KANK2: variants seen among roughly 807,000 people sequenced by gnomAD.
KANK2 encodes KN motif and ankyrin repeat domain-containing protein 2.
In KANK2, 41 loss-of-function variants were observed where a neutral mutation model predicts 74.6. The ratio of observed to expected loss-of-function variants is 0.55; its 90% CI spans 0.43 to 0.71. The LOEUF is 0.71. Ranked by LOEUF, KANK2 falls within the 30% of genes least tolerant of loss-of-function variation. KANK2 has a pLI of 0.00. For missense variants in KANK2, 1,148 were observed against 1,196.4 expected, an observed-to-expected ratio of 0.96 and a Z score of 0.60; for synonymous variants, 537 against 519.0, an observed-to-expected ratio of 1.03 and a Z score of -0.47.
intron 3 of KANK2, 92 bp downstream of exon 3, chr19:11,194,383 C>T: frequency 9.7e-7 from 1 of 1,029,838 alleles, no homozygotes; most frequent in Non-Finnish European, 1.5e-6. Flanking sequence ...TGTGTCCCAC[C>T]CTCAAAGTCC....
At chr19:11,176,125 C>T in intron 7 of KANK2, 136 bp from the exon 8 acceptor site, 2 of 631,916 alleles carry the variant, frequency 3.2e-6, no homozygotes, top group South Asian at 4.5e-5. Context: ...TCACCCGGGA[C>T]ACACATTTAC....
At chr19:11,185,660 G>T (rs1035757851) in intron 4 of KANK2, among the ~76,000 whole-genome samples, 1 of 150,310 alleles carries the variant, frequency 6.7e-6, no homozygotes, top group African/African-American at 2.4e-5. Context: ...ATGGAGAAAG[G>T]CTACAAGTAA....
chr19:11,187,661 G>A (rs776731655), intron 4 of KANK2, among the ~76,000 whole-genome samples: 38 of 152,174 alleles, frequency 2.5e-4, no homozygotes, highest in African/African-American at 3.6e-4. Context: ...TTATTGGAAC[G>A]CAGCCACGTT....
upstream of KANK2, chr19:11,197,664 G>C (rs547023665): frequency 1.3e-5 from 2 of 151,826 alleles, no homozygotes; most frequent in African/African-American, 2.4e-5. Context: ...GGCCGCGGTG[G>C]GGGGTGGGGA....
rs142161556 is a variant in KANK2, at chr19:11,195,371, C to T, written c.-80+251G>A. On this transcript the variant is annotated intron_variant, in intron 2 of 12. Transcript: ENST00000586659. Reference sequence around the variant, plus strand: ...TGCAAAAGGGAGGGACAGTCAGAGCCTCTCACTAAACCCCCCTCAGCCTTG... The same window carrying T: ...TGCAAAAGGGAGGGACAGTCAGAGCTTCTCACTAAACCCCCCTCAGCCTTG... Among the ~76,000 whole-genome samples, 1,233 of 152,070 alleles carry T rather than the reference C, an allele frequency of 8.1e-3. 12 individuals are homozygous for T. Among genetic ancestry groups the T allele is most frequent in the African/African-American group, 0.028 (1,179 of 41,454 alleles).
intron 2 of KANK2, chr19:11,194,802 G>C (rs2078969826): frequency 2.9e-6 from 1 of 349,154 alleles, no homozygotes; most frequent in Admixed American, 3.9e-5. Context: ...CTCACTGCCT[G>C]CTTGCACATC....
rs556903511 is a variant in KANK2 at position 11,179,976 on chromosome 19, TC to T, written c.1250-1257del. ...CCCGGATTCAAGTGATTCTCCTGCC[TC>T]AGCCCCCTGAGCGGCAGGCAGTAAA... On this transcript the variant is annotated intron_variant, in intron 4 of 12. Coordinates refer to ENST00000586659, the MANE Select transcript of KANK2 (RefSeq NM_001136191.3). Among the ~76,000 whole-genome samples the T allele has an allele frequency of 2.9e-3, 443 of 152,336 alleles. 4 individuals are homozygous for T. The highest frequency in any genetic ancestry group is 0.01 in the African/African-American group (422 of 41,574).
intron 3 of KANK2, 136 bp downstream of exon 3, chr19:11,194,339 T>G: frequency 1.4e-6 from 1 of 718,914 alleles, no homozygotes; most frequent in African/African-American, 1.8e-5. Context: ...AGGGCAGGAC[T>G]CTGCCTCCTC....
At position 11,193,579 on chromosome 19, in the gene KANK2, CG is replaced by C; in HGVS notation, c.500del (p.Pro167ArgfsTer40). ...TGGACAGTCCTGAACTCCGTGGTGT[CG>C]GGGGTGGCAACCCCACGCCCACCAG... ...ASLVGVGLPP[P>X]TPRSSGLSTP... On this transcript the variant is annotated frameshift_variant, in exon 4 of 13. Coordinates refer to ENST00000586659, the MANE Select transcript of KANK2 (RefSeq NM_001136191.3). LOFTEE classifies it high-confidence loss of function. This position sits in a 1 kb window ranked among gnomAD's most constrained non-coding sequence, Gnocchi z 9.6. 2 of 1,588,014 alleles carry C rather than the reference CG, an allele frequency of 1.3e-6. No individual in the cohort carries two copies. The highest frequency in any genetic ancestry group is 8.6e-7 in the Non-Finnish European group (1 of 1,168,764).
rs1291768672 is a variant in KANK2, at chr19:11,175,941, C to T, written c.1809G>A (p.Lys603=). 5 of 1,613,860 alleles carry T rather than the reference C, an allele frequency of 3.1e-6. No homozygotes were observed. In the South Asian group the frequency reaches 4.4e-5, roughly 14 times the overall value. ...TGAGGGCGTTGGGATTGTCCAGGTA[C>T]TTTTCCAGGGCCAAGCAGGCTGAGA... ...DLISACLALE[K]YLDNPNALTE... is the part of the protein sequence containing the mutation. Residue 603 remains lysine (K), a synonymous_variant, in exon 8 of 13, where the codon AAG becomes AAA. Coordinates refer to ENST00000586659, the MANE Select transcript of KANK2 (RefSeq NM_001136191.3).
intron 4 of KANK2, among the ~76,000 whole-genome samples, chr19:11,188,141 G>A (rs1176812850): frequency 2.6e-5 from 4 of 152,174 alleles, no homozygotes; most frequent in South Asian, 2.1e-4. Context: ...ACAGGCTAAC[G>A]TGGATGGTTG....
Position 11,184,116 on chromosome 19 carries a change from C to T in KANK2, c.1250-5396G>A, listed in dbSNP as rs532470308. 2.0e-5 allele frequency among the ~76,000 whole-genome samples: 3 copies of T among 152,294 alleles called. 1 individual carries two copies. The highest frequency in any genetic ancestry group is 7.2e-5 in the African/African-American group (3 of 41,572). The stretch of plus-strand genomic sequence containing the variant: ...TTCTGGCCAGGCATGGTGGCTCATG[C>T]CTGTAATCCCAACACTTTGGGAGGC... On this transcript the variant is annotated intron_variant, in intron 4 of 12. Transcript: ENST00000586659.
chr19:11,168,936 T>C (rs1180203925), intron 12 of KANK2, among the ~76,000 whole-genome samples: 1 of 152,232 alleles, frequency 6.6e-6, no homozygotes, highest in Non-Finnish European at 1.5e-5. Context: ...GCACAGTGGC[T>C]GACCCCTGTA....
At chr19:11,167,590 C>G (rs140321423) in intron 12 of KANK2, among the ~76,000 whole-genome samples, 2,270 of 147,806 alleles carry the variant, frequency 0.015, 28 homozygotes, top group Middle Eastern at 0.06. Context: ...TGCAGTGGCG[C>G]GATCTCAGCT....
At chr19:11,185,117 G>GC (rs1015358750) in intron 4 of KANK2, among the ~76,000 whole-genome samples, 4 of 149,018 alleles carry the variant, frequency 2.7e-5, no homozygotes, top group African/African-American at 9.9e-5. Context: ...ATAGCTTGCT[G>GC]CAGCCTCAAA....
At chr19:11,167,134 C>G (rs957832165) in intron 12 of KANK2, among the ~76,000 whole-genome samples, 1 of 152,082 alleles carries the variant, frequency 6.6e-6, no homozygotes, top group Non-Finnish European at 1.5e-5. Flanking sequence ...GGCATGATCT[C>G]AGCTCACTGC....
chr19:11,187,669 G>A (rs113688487), intron 4 of KANK2, among the ~76,000 whole-genome samples: 32 of 152,204 alleles, frequency 2.1e-4, no homozygotes, highest in African/African-American at 7.5e-4. Flanking sequence ...ACGCAGCCAC[G>A]TTCGTTCATT....
chr19:11,188,519 T>C (rs569629519), intron 4 of KANK2, among the ~76,000 whole-genome samples: 1 of 151,578 alleles, frequency 6.6e-6, no homozygotes, highest in South Asian at 2.1e-4. Flanking sequence ...TAAATTCTTT[T>C]TTTTTTTTTT....
chr19:11,170,399 G>A lies in KANK2; in HGVS notation c.2212-151C>T, dbSNP rs975591599. Reference sequence around the variant, plus strand: ...CTCCTGAATCTCAAACAACCCTCCCGTCACCAGGGGAGTAATAAATCCACA... The same window carrying A: ...CTCCTGAATCTCAAACAACCCTCCCATCACCAGGGGAGTAATAAATCCACA... On this transcript the variant is annotated intron_variant, in intron 10 of 12. Transcript: ENST00000586659. The surrounding 1 kb of genome is among the most constrained non-coding windows in gnomAD (Gnocchi z 5.2). 4.2e-5 allele frequency: 26 copies of A among 621,638 alleles called. No individual in the cohort carries two copies. Among genetic ancestry groups the A allele is most frequent in the South Asian group, 4.1e-4 (21 of 51,622 alleles). 38.5% of individuals were successfully genotyped at this position (621,638 alleles called of 1,614,324 possible). A position where few individuals can be genotyped will look rare whatever the true frequency, so the allele number is the denominator to read the frequency against.
Sources: gnomAD v4.1 joint callset for allele counts (sites outside exome capture counted in the v4.1 genomes callset) on GRCh38, gnomAD v4.1.1 for gene constraint, Gnocchi (gnomAD v3.1) non-coding constraint, MANE v1.5 for transcripts, NCBI Gene and HGNC (gene_info 2026-07-23, HGNC 2026-07-21) for gene names.